RBKS: variants seen among roughly 807,000 people sequenced by gnomAD.
The protein encoded by RBKS is ribokinase.
In RBKS, 33 loss-of-function variants were observed where a neutral mutation model predicts 33.9. That is an observed-to-expected ratio of 0.97 (90% CI 0.74 to 1.30). RBKS has a LOEUF of 1.30. Among genes scored for constraint, RBKS ranks in the 50% most tolerant of loss-of-function variants. The pLI is 0.00. For missense variants in RBKS, 361 were observed against 392.6 expected, an observed-to-expected ratio of 0.92 and a Z score of 0.68; for synonymous variants, 125 against 143.0, an observed-to-expected ratio of 0.87 and a Z score of 0.90.
intron 6 of RBKS, among the ~76,000 whole-genome samples, chr2:27,828,803 T>C (rs1248379933): frequency 1.3e-5 from 2 of 152,226 alleles, no homozygotes; most frequent in African/African-American, 4.8e-5. Flanking sequence ...TATTCACATG[T>C]TGTTGCTTTG....
chr2:27,794,733 C>T (rs1221436453), intron 7 of RBKS, among the ~76,000 whole-genome samples: 1 of 151,418 alleles, frequency 6.6e-6, no homozygotes, highest in Admixed American at 6.6e-5. Context: ...AAGCAATTCT[C>T]CTGCCTCAGC....
chr2:27,783,297 A>C (rs965702047), intron 7 of RBKS, among the ~76,000 whole-genome samples: 4 of 152,104 alleles, frequency 2.6e-5, no homozygotes, highest in African/African-American at 9.7e-5. Flanking sequence ...AAACAAACAA[A>C]ATCCCCCAAG....
intron 6 of RBKS, among the ~76,000 whole-genome samples, chr2:27,830,300 C>T (rs1678395788): frequency 6.6e-6 from 1 of 151,862 alleles, no homozygotes; most frequent in Non-Finnish European, 1.5e-5. Context: ...CTCCCTGTAG[C>T]CCAGGCTGGA....
chr2:27,789,985 G>GGA (rs1558533164), intron 7 of RBKS, among the ~76,000 whole-genome samples: 1 of 112,218 alleles, frequency 8.9e-6, no homozygotes, highest in African/African-American at 3.9e-5. Context: ...ATATATATAT[G>GGA]TAGAGAGAGA....
At chr2:27,875,503 C>T (rs988418497) in intron 1 of RBKS, among the ~76,000 whole-genome samples, 4 of 152,130 alleles carry the variant, frequency 2.6e-5, no homozygotes, top group African/African-American at 4.8e-5. Context: ...CAGTGAGCTG[C>T]GATCGCAACA....
intron 7 of RBKS, among the ~76,000 whole-genome samples, chr2:27,806,652 A>C (rs1351723716): frequency 1.3e-5 from 2 of 152,222 alleles, no homozygotes; most frequent in Non-Finnish European, 2.9e-5. Flanking sequence ...GGGAGGCCAT[A>C]AATGTATTCT....
chr2:27,789,870 G>A (rs921258971), intron 7 of RBKS, among the ~76,000 whole-genome samples: 26 of 135,220 alleles, frequency 1.9e-4, no homozygotes, highest in South Asian at 4.7e-4. Flanking sequence ...GCCAGCTGAT[G>A]TGTGTGTGTG....
chr2:27,818,979 A>G (rs1468641502), intron 7 of RBKS, among the ~76,000 whole-genome samples: 1 of 152,222 alleles, frequency 6.6e-6, no homozygotes. Context: ...GATTTAGGCC[A>G]GTCCTCTTAG....
chr2:27,848,823 AGAGT>A (rs567540624), intron 2 of RBKS, among the ~76,000 whole-genome samples: 1 of 148,594 alleles, frequency 6.7e-6, no homozygotes, highest in South Asian at 2.2e-4. Context: ...TCTGGGTGAC[AGAGT>A]GAGACTGTCT....
chr2:27,826,680 A>G (rs1011601929), intron 7 of RBKS, among the ~76,000 whole-genome samples: 10 of 152,200 alleles, frequency 6.6e-5, no homozygotes, highest in Non-Finnish European at 1.5e-4. Flanking sequence ...TGCTGGGACT[A>G]CAAGTGTGAA....
chr2:27,871,891 C>T (rs1464682100), intron 1 of RBKS, among the ~76,000 whole-genome samples: 2 of 152,222 alleles, frequency 1.3e-5, no homozygotes, highest in Non-Finnish European at 2.9e-5. Flanking sequence ...GCAGCTGCTC[C>T]TCAATGCTAG....
At chr2:27,785,617 G>A (rs1175449781) in intron 7 of RBKS, among the ~76,000 whole-genome samples, 4 of 152,000 alleles carry the variant, frequency 2.6e-5, no homozygotes, top group Non-Finnish European at 4.4e-5. Context: ...ACAAAAACTA[G>A]CCGGGCGTAG....
chr2:27,873,450 T>C (rs573234427), intron 1 of RBKS, among the ~76,000 whole-genome samples: 2 of 152,360 alleles, frequency 1.3e-5, no homozygotes, highest in African/African-American at 4.8e-5. Flanking sequence ...ATTTTCTTTA[T>C]GGTCTTGACA....
chr2:27,798,654 G>C (rs1677709972), intron 7 of RBKS, among the ~76,000 whole-genome samples: 1 of 151,948 alleles, frequency 6.6e-6, no homozygotes, highest in Non-Finnish European at 1.5e-5. Context: ...CTGCAAATCT[G>C]TCCACGTGGC....
chr2:27,789,377 T>G (rs1054900684), intron 7 of RBKS, among the ~76,000 whole-genome samples: 1 of 150,380 alleles, frequency 6.6e-6, no homozygotes, highest in African/African-American at 2.4e-5. Flanking sequence ...AGGTCGGCAC[T>G]AAAAAAATTT....
intron 1 of RBKS, among the ~76,000 whole-genome samples, chr2:27,864,755 T>G (rs907371036): frequency 6.6e-6 from 1 of 152,298 alleles, no homozygotes; most frequent in Admixed American, 6.5e-5. Flanking sequence ...CAAGGTTACA[T>G]GATAAGAATA....
chr2:27,830,319 G>A (rs1033808927), intron 6 of RBKS, among the ~76,000 whole-genome samples: 1 of 151,742 alleles, frequency 6.6e-6, no homozygotes, highest in Non-Finnish European at 1.5e-5. Context: ...GAGTGCAGCC[G>A]CCTGATCTTG....
intron 1 of RBKS, among the ~76,000 whole-genome samples, chr2:27,886,738 T>A (rs1400699016): frequency 2.6e-5 from 4 of 151,588 alleles, no homozygotes; most frequent in African/African-American, 7.3e-5. Context: ...AATATATATT[T>A]AAAAAAATAA....
rs532266734 is a variant in RBKS at position 27,795,060 on chromosome 2, C to T, written c.796-13272G>A. Among the ~76,000 whole-genome samples, 4 of 152,312 alleles carry T rather than the reference C, an allele frequency of 2.6e-5. No homozygotes were observed. The highest frequency in any genetic ancestry group is 9.6e-5 in the African/African-American group (4 of 41,570). ...CACCACTGGTTTCTTCTGTTTTCAA[C>T]CAAGAACCATGACAGAGGCAATCTC... On this transcript the variant is annotated intron_variant, in intron 7 of 7. Transcript: ENST00000302188. The surrounding 1 kb of genome is among the most constrained non-coding windows in gnomAD (Gnocchi z 4.1).
Sources: gnomAD v4.1 joint callset for allele counts (sites outside exome capture counted in the v4.1 genomes callset) on GRCh38, gnomAD v4.1.1 for gene constraint, Gnocchi (gnomAD v3.1) non-coding constraint, MANE v1.5 for transcripts, NCBI Gene and HGNC (gene_info 2026-07-23, HGNC 2026-07-21) for gene names.